Variants in CYFIP1 observed in about 807,000 individuals in gnomAD.
The protein encoded by CYFIP1 is cytoplasmic FMR1 interacting protein 1, also known as cytoplasmic FMR1-interacting protein 1.
Under a neutral mutation model 163.5 loss-of-function variants are expected in CYFIP1, and 58 were observed. The ratio of observed to expected loss-of-function variants is 0.35; its 90% CI spans 0.29 to 0.44. The LOEUF is 0.44. CYFIP1 is among the 20% of genes least tolerant of loss of function. CYFIP1 has a pLI of 1.00. For synonymous variants in CYFIP1, 663 were observed against 660.7 expected (o/e 1.00, Z -0.05); for missense variants, 1,338 against 1,653.8 (o/e 0.81, Z 3.31).
rs2059223291 is a variant in CYFIP1, at chr15:22,867,804, T to TAA, written c.*2222_*2223dup. 6.6e-6 allele frequency: 1 copy of TAA among 152,150 alleles called. No individual in the cohort carries two copies. Among genetic ancestry groups the TAA allele is most frequent in the Non-Finnish European group, 1.5e-5 (1 of 68,032 alleles). The allele number at this position is 152,150 out of a possible 1,614,324, so 9.4% of individuals were successfully genotyped here. A position where few individuals can be genotyped will look rare whatever the true frequency, so the allele number is the denominator to read the frequency against. On this transcript the variant is annotated 3_prime_UTR_variant, in exon 31 of 31. Transcript: ENST00000617928. ...GTCTCTTTGTACCAAGTACTTTGCT[T>TAA]AAGAGCTCCTTTGGGCCACTACATA...
At chr15:22,870,960 A>G (rs1307316906) in intron 30 of CYFIP1, among the ~76,000 whole-genome samples, 1 of 152,106 alleles carries the variant, frequency 6.6e-6, no homozygotes, top group African/African-American at 2.4e-5. Flanking sequence ...GGTTCTACCT[A>G]TGCAGGTGGT....
intron 8 of CYFIP1, among the ~76,000 whole-genome samples, 170 bp from the exon 9 acceptor site, chr15:22,937,378 T>G (rs1227948624): frequency 1.3e-5 from 2 of 152,126 alleles, no homozygotes. Flanking sequence ...CATTTTATCC[T>G]CAGTGAAACT....
intron 21 of CYFIP1, chr15:22,905,306 A>G (rs528931917): frequency 6.6e-6 from 1 of 151,986 alleles, no homozygotes; most frequent in East Asian, 1.9e-4. Flanking sequence ...TTTTATCAAT[A>G]TTTTCTTGAA....
intron 1 of CYFIP1, among the ~76,000 whole-genome samples, chr15:22,970,859 A>G (rs1185455476): frequency 1.3e-5 from 2 of 151,678 alleles, no homozygotes; most frequent in East Asian, 3.9e-4. Flanking sequence ...GGCAGATCAC[A>G]AGGTCAAGAG....
Position 22,916,520 on chromosome 15 carries a change from A to G in CYFIP1, c.1785T>C (p.Phe595=), listed in dbSNP as rs2060988439. 1 of 1,613,866 alleles carries G rather than the reference A, an allele frequency of 6.2e-7. No homozygotes were observed. The highest frequency in any genetic ancestry group is 8.5e-7 in the Non-Finnish European group (1 of 1,179,954). ...GAGTGTAGAAGAATGACTCTCGATG[A>G]AATTTTTCTATGTCCAATATGGTGG... ...EGPTILDIEK[F]HRESFFYTHL... Residue 595 remains phenylalanine (F), a synonymous_variant, in exon 16 of 31, where the codon TTT becomes TTC. Transcript: ENST00000617928.
intron 9 of CYFIP1, 120 bp downstream of exon 9, chr15:22,936,984 A>C (rs2061730277): frequency 1.4e-6 from 1 of 697,728 alleles, no homozygotes; most frequent in Admixed American, 2.2e-5. Flanking sequence ...TGCATGCCCC[A>C]GACTCCACCC....
At chr15:22,974,076 G>A (rs1264157848) in intron 1 of CYFIP1, among the ~76,000 whole-genome samples, 1 of 152,186 alleles carries the variant, frequency 6.6e-6, no homozygotes. Flanking sequence ...ACTGTTGGTG[G>A]AGATGTAAAT....
chr15:22,913,854 T>G (rs909819155), intron 17 of CYFIP1, among the ~76,000 whole-genome samples: 1 of 152,086 alleles, frequency 6.6e-6, no homozygotes, highest in Admixed American at 6.5e-5. Flanking sequence ...GGCATGGCCA[T>G]GCCACAGCCA....
rs1555409979 is a variant in CYFIP1 at position 22,921,784 on chromosome 15, A to AAAAAAAAAAAAAAAGAC, written c.1360-2927_1360-2926insGTCTTTTTTTTTTTTTT. Among the ~76,000 whole-genome samples, 2 of 142,210 alleles carry AAAAAAAAAAAAAAAGAC rather than the reference A, an allele frequency of 1.4e-5. 1 individual carries two copies. The highest frequency in any genetic ancestry group is 3.1e-5 in the Non-Finnish European group (2 of 65,444). The allele number at this position is 142,210 out of a possible 152,430, so 93.3% of individuals were successfully genotyped here. A position where few individuals can be genotyped will look rare whatever the true frequency, so the allele number is the denominator to read the frequency against. On this transcript the variant is annotated intron_variant, in intron 13 of 30. Transcript: ENST00000617928. Reference sequence around the variant, plus strand: ...TGTCTCAAAAAAAAAAAAAAAAAAAAAGAAGCACGAGTTACCAGCATTAAG... The same window carrying AAAAAAAAAAAAAAAGAC: ...TGTCTCAAAAAAAAAAAAAAAAAAAAAAAAAAAAAAAAAAGACAGAAGCACGAGTTACCAGCATTAAG...
intron 14 of CYFIP1, 125 bp downstream of exon 14, chr15:22,918,567 G>A: frequency 1.2e-6 from 1 of 836,052 alleles, no homozygotes; most frequent in South Asian, 2.2e-5. Flanking sequence ...CACCAAGAGG[G>A]CATCTGAAGG....
rs2061821571 is a variant in CYFIP1 at position 22,939,339 on chromosome 15, G to A, written c.667-19C>T. ...GCAGAGACTGAAACACAGAGCAAGA[G>A]ACTCATGCATGGGCCCGGCGCCCGG... On this transcript the variant is annotated intron_variant, in intron 7 of 30. Transcript: ENST00000617928. 1 of 1,614,120 alleles carries A rather than the reference G, an allele frequency of 6.2e-7. No homozygotes were observed. The highest frequency in any genetic ancestry group is 8.5e-7 in the Non-Finnish European group (1 of 1,180,014).
chr15:22,949,023 C>T (rs1488069652), intron 1 of CYFIP1, among the ~76,000 whole-genome samples: 1 of 152,064 alleles, frequency 6.6e-6, no homozygotes, highest in Non-Finnish European at 1.5e-5. Context: ...TGACAGAAAA[C>T]ACCCTAAATT....
chr15:22,897,942 G>A (rs2060285996), intron 22 of CYFIP1, among the ~76,000 whole-genome samples: 1 of 152,306 alleles, frequency 6.6e-6, no homozygotes, highest in East Asian at 1.9e-4. Flanking sequence ...AGCTGTTTCT[G>A]TTAAGGTCCC....
intron 23 of CYFIP1, among the ~76,000 whole-genome samples, chr15:22,889,273 C>G (rs1346452995): frequency 6.6e-6 from 1 of 152,194 alleles, no homozygotes; most frequent in Admixed American, 6.5e-5. Context: ...GTGCCCATTC[C>G]CTGGAGCCAT....
rs34540470 is a variant in CYFIP1, at chr15:22,867,971, T to TAAAA, written c.*2053_*2056dup. 1 of 152,106 alleles carries TAAAA rather than the reference T, an allele frequency of 6.6e-6. No homozygotes were observed. 9.4% of individuals were successfully genotyped at this position (152,106 alleles called of 1,614,324 possible). ...CCACTCATAACCATTGACTGGCCTT[T>TAAAA]AAAAAAAAGTATTGGCAGAATTAAT... is the stretch of plus-strand genomic sequence containing the variant. On this transcript the variant is annotated 3_prime_UTR_variant, in exon 31 of 31. Coordinates refer to ENST00000617928, the MANE Select transcript of CYFIP1 (RefSeq NM_014608.6).
chr15:22,921,581 C>G (rs1223180321), intron 13 of CYFIP1, among the ~76,000 whole-genome samples: 1 of 151,128 alleles, frequency 6.6e-6, no homozygotes, highest in Non-Finnish European at 1.5e-5. Context: ...TTTGGGAGGT[C>G]AAGGAGGGTG....
At chr15:22,924,294 G>A (rs930834265) in intron 13 of CYFIP1, among the ~76,000 whole-genome samples, 26 of 152,002 alleles carry the variant, frequency 1.7e-4, no homozygotes, top group African/African-American at 6.3e-4. Context: ...CGTGGTGGTG[G>A]GTGCCTGTAA....
At chr15:22,923,596 T>C (rs2099308534) in intron 13 of CYFIP1, among the ~76,000 whole-genome samples, 1 of 152,156 alleles carries the variant, frequency 6.6e-6, no homozygotes, top group Admixed American at 6.6e-5. Flanking sequence ...ATTGCATTTC[T>C]AGCTATACAA....
intron 25 of CYFIP1, 115 bp downstream of exon 25, chr15:22,881,731 C>T (rs1353164641): frequency 1.8e-5 from 17 of 951,778 alleles, no homozygotes; most frequent in Admixed American, 8.4e-5. Flanking sequence ...GTGCATTTGT[C>T]TGTCTACTGC....
Sources: gnomAD v4.1 joint callset for allele counts (sites outside exome capture counted in the v4.1 genomes callset) on GRCh38, gnomAD v4.1.1 for gene constraint, MANE v1.5 for transcripts, NCBI Gene and HGNC (gene_info 2026-07-23, HGNC 2026-07-21) for gene names.